Variants in MYBL2 observed in about 807,000 individuals in gnomAD.
MYBL2 encodes the protein MYB proto-oncogene like 2.
In MYBL2, 28 loss-of-function variants were observed where a neutral mutation model predicts 79.9. The observed-to-expected ratio is 0.35, with a 90% CI of 0.26 to 0.48. The LOEUF (loss-of-function observed/expected upper bound fraction) is 0.48, where lower values mean the gene tolerates loss of function less well. Among genes scored for constraint, MYBL2 ranks in the 20% least tolerant of loss-of-function variants. MYBL2 has a pLI of 0.99. For missense variants in MYBL2, 735 were observed against 893.9 expected (o/e 0.82, Z 2.27); for synonymous variants, 378 against 361.2 (o/e 1.05, Z -0.53).
intron 7 of MYBL2, among the ~76,000 whole-genome samples, chr20:43,701,854 C>G (rs1426669594): frequency 1.3e-5 from 2 of 152,112 alleles, no homozygotes; most frequent in Admixed American, 1.3e-4. Flanking sequence ...AACACAGTCT[C>G]TATAAAAAAT....
intron 9 of MYBL2, 99 bp from the exon 10 acceptor site, chr20:43,709,864 G>A (rs1987866360): frequency 1.0e-6 from 1 of 981,304 alleles, no homozygotes; most frequent in Admixed American, 2.3e-5. Context: ...CCTGTGCTGG[G>A]GCCAAAGGTC....
intron 1 of MYBL2, 64 bp downstream of exon 1, chr20:43,667,367 G>T (rs1986742470): frequency 2.0e-6 from 2 of 1,011,658 alleles, no homozygotes; most frequent in African/African-American, 1.7e-5. Flanking sequence ...CCCCCACCCA[G>T]ATACCCCCGA....
intron 6 of MYBL2, among the ~76,000 whole-genome samples, chr20:43,694,025 A>G (rs1377700889): frequency 6.7e-6 from 1 of 149,804 alleles, no homozygotes; most frequent in Non-Finnish European, 1.5e-5. Flanking sequence ...TCCAGCTTTT[A>G]TTTATAAATA....
In MYBL2 at chr20:43,687,046, C is replaced by G. The variant is rs141053115; in HGVS notation, c.474C>G (p.Ala158=). ...ACAAGGTGCTGGGCAACCGCTGGGCCGAGATCGCCAAGATGTTGCCAGGGA... is the reference window on the plus strand; with the variant it reads ...ACAAGGTGCTGGGCAACCGCTGGGCGGAGATCGCCAAGATGTTGCCAGGGA... ...EAHKVLGNRW[A]EIAKMLPGRT... Residue 158 remains alanine (A), a synonymous_variant, in exon 5 of 14, where the codon GCC becomes GCG. Transcript: ENST00000217026. 31 of 1,613,112 alleles carry G rather than the reference C, an allele frequency of 1.9e-5. No homozygotes were observed. The Admixed American group carries it at 4.3e-4, about 23-fold the overall frequency.
intron 5 of MYBL2, among the ~76,000 whole-genome samples, chr20:43,687,345 C>G (rs1413729353): frequency 6.6e-6 from 1 of 152,140 alleles, no homozygotes; most frequent in Non-Finnish European, 1.5e-5. Flanking sequence ...CATCCTGTTC[C>G]CAGCTCACTG....
chr20:43,682,502 G>T (rs576420738), intron 3 of MYBL2, among the ~76,000 whole-genome samples: 2 of 152,370 alleles, frequency 1.3e-5, no homozygotes, highest in South Asian at 2.1e-4. Context: ...AAAAGCAGGG[G>T]TCCCTGACGT....
rs1988035517 is a variant in MYBL2, at chr20:43,716,422, T to A, written c.*335T>A. On this transcript the variant is annotated 3_prime_UTR_variant, in exon 14 of 14. Transcript: ENST00000217026. ...TTAGGATGGGGGATGTGGCCAGGGG[T>A]GCTCCTGTGCTCACCCTCTCTTGGT... 9.1e-6 allele frequency: 3 copies of A among 331,212 alleles called. No individual in the cohort carries two copies. In the South Asian group the frequency reaches 1.3e-4, roughly 14 times the overall value. 20.5% of individuals were successfully genotyped at this position (331,212 alleles called of 1,614,324 possible). A position where few individuals can be genotyped will look rare whatever the true frequency, so the allele number is the denominator to read the frequency against.
Position 43,696,025 on chromosome 20 carries a change from A to C in MYBL2, c.663+3706A>C, listed in dbSNP as rs557523987. ...CAGCAAGACTCTGTCTTAAAAAGAA[A>C]AGAAAAAAAACCTCTTAATACATTT... On this transcript the variant is annotated intron_variant, in intron 6 of 13. Transcript: ENST00000217026. Among the ~76,000 whole-genome samples, 9 of 152,326 alleles carry C rather than the reference A, an allele frequency of 5.9e-5. No homozygotes were observed. In the South Asian group the frequency reaches 1.9e-3, roughly 32 times the overall value.
intron 6 of MYBL2, among the ~76,000 whole-genome samples, chr20:43,694,713 G>T (rs2145723145): frequency 6.6e-6 from 1 of 152,246 alleles, no homozygotes; most frequent in Admixed American, 6.5e-5. Flanking sequence ...TCTTTTTCTG[G>T]TTTCAACTCC....
At position 43,694,046 on chromosome 20, in the gene MYBL2, T is replaced by C. The variant is rs552672855; in HGVS notation, c.663+1727T>C. 6.0e-5 allele frequency among the ~76,000 whole-genome samples: 9 copies of C among 149,886 alleles called. No individual in the cohort carries two copies. In the East Asian group the frequency reaches 1.0e-3, roughly 17 times the overall value. On this transcript the variant is annotated intron_variant, in intron 6 of 13. Coordinates refer to ENST00000217026, the MANE Select transcript of MYBL2 (RefSeq NM_002466.4). ...TTTTATTTATAAATAAAATAAAAATTTGAAGGCCGGGCACGGTGGCTCACG... is the reference window on the plus strand; with the variant it reads ...TTTTATTTATAAATAAAATAAAAATCTGAAGGCCGGGCACGGTGGCTCACG...
chr20:43,706,733 T>TTTTTTTTTTTTTTTTA (rs1987793274), intron 9 of MYBL2, among the ~76,000 whole-genome samples: 3 of 136,982 alleles, frequency 2.2e-5, no homozygotes, highest in Non-Finnish European at 3.1e-5. Context: ...TTTTTTTTTT[T>TTTTTTTTTTTTTTTTA]GAGATGGAGT....
At chr20:43,687,813 C>T (rs961775170) in intron 5 of MYBL2, among the ~76,000 whole-genome samples, 2 of 151,806 alleles carry the variant, frequency 1.3e-5, no homozygotes, top group African/African-American at 4.8e-5. Flanking sequence ...GTCAGGAGTT[C>T]GAGACCAGCC....
At chr20:43,678,238 CCA>C (rs973955563) in intron 2 of MYBL2, among the ~76,000 whole-genome samples, 1 of 151,896 alleles carries the variant, frequency 6.6e-6, no homozygotes, top group Admixed American at 6.6e-5. Flanking sequence ...GACCTTCCCT[CCA>C]CTATTGTCCT....
intron 8 of MYBL2, among the ~76,000 whole-genome samples, chr20:43,703,740 A>G (rs868019618): frequency 6.6e-6 from 1 of 152,106 alleles, no homozygotes; most frequent in Non-Finnish European, 1.5e-5. Flanking sequence ...CCACCCTGTC[A>G]TCACGGGTCA....
At chr20:43,711,453 G>T (rs1183514801) in intron 10 of MYBL2, 35 bp from the exon 11 acceptor site, 3 of 1,550,750 alleles carry the variant, frequency 1.9e-6, no homozygotes, top group Non-Finnish European at 2.7e-6. Context: ...CCCGAGTGTG[G>T]TGCCTCACGT....
chr20:43,673,238 C>G, intron 1 of MYBL2, among the ~76,000 whole-genome samples: 1 of 94,066 alleles, frequency 1.1e-5, no homozygotes, highest in African/African-American at 4.2e-5. Context: ...AGCCACTGTG[C>G]CTGGCCTCTT....
intron 2 of MYBL2, among the ~76,000 whole-genome samples, chr20:43,674,675 T>A (rs181233484): frequency 1.8e-3 from 280 of 152,120 alleles, no homozygotes; most frequent in African/African-American, 6.3e-3. Context: ...ATTACAGGCG[T>A]GAGCCACTGC....
At chr20:43,682,990 C>A in intron 4 of MYBL2, 104 bp downstream of exon 4, 2 of 1,088,470 alleles carry the variant, frequency 1.8e-6, no homozygotes, top group Non-Finnish European at 1.4e-6. Context: ...TCAAGCTGAG[C>A]ATTGGGTGTG....
chr20:43,715,511 C>T (rs549342611), intron 13 of MYBL2, among the ~76,000 whole-genome samples: 39 of 152,352 alleles, frequency 2.6e-4, no homozygotes, highest in African/African-American at 9.4e-4. Flanking sequence ...GGTAAGCCTT[C>T]TCTGACCCTA....
Sources: gnomAD v4.1 joint callset for allele counts (sites outside exome capture counted in the v4.1 genomes callset) on GRCh38, gnomAD v4.1.1 for gene constraint, MANE v1.5 for transcripts, NCBI Gene and HGNC (gene_info 2026-07-23, HGNC 2026-07-21) for gene names.